The following ASAP2 variants were observed in gnomAD, a reference collection of about 807,000 sequenced individuals.
The protein encoded by ASAP2 is arf-GAP with SH3 domain, ANK repeat and PH domain-containing protein 2.
ASAP2 carries 45 observed loss-of-function variants against 131.4 expected under a neutral mutation model. That is an observed-to-expected ratio of 0.34 (90% CI 0.27 to 0.44). The LOEUF (loss-of-function observed/expected upper bound fraction) is 0.44, where lower values mean the gene tolerates loss of function less well. Among genes scored for constraint, ASAP2 ranks in the 20% least tolerant of loss-of-function variants. The probability of loss-of-function intolerance (pLI) is 1.00; values close to 1 mark genes in which losing one functional copy is unlikely to be tolerated. For synonymous variants in ASAP2, 510 were observed against 503.0 expected (o/e 1.01, Z -0.19); for missense variants, 1,011 against 1,297.0 (o/e 0.78, Z 3.39).
chr2:9,384,173 A>G (rs1222484531), intron 20 of ASAP2, among the ~76,000 whole-genome samples: 2 of 152,176 alleles, frequency 1.3e-5, no homozygotes, highest in Non-Finnish European at 2.9e-5. Context: ...AAAAAAATAA[A>G]TTAATTAAAA....
At chr2:9,242,558 G>T (rs140165937) in intron 1 of ASAP2, among the ~76,000 whole-genome samples, 3 of 152,154 alleles carry the variant, frequency 2.0e-5, no homozygotes, top group African/African-American at 7.2e-5. Context: ...TGTATTGGGC[G>T]GTGTGTGGGC....
intron 19 of ASAP2, among the ~76,000 whole-genome samples, chr2:9,380,477 C>T (rs186819301): frequency 6.6e-6 from 1 of 152,170 alleles, no homozygotes; most frequent in South Asian, 2.1e-4. Context: ...GGATTACAGG[C>T]GTGAGCCACT....
chr2:9,266,099 T>A (rs535098891), intron 1 of ASAP2, among the ~76,000 whole-genome samples: 57 of 152,218 alleles, frequency 3.7e-4, no homozygotes, highest in African/African-American at 1.2e-3. Flanking sequence ...AGCTTGTAAT[T>A]TTCTATTTCT....
intron 1 of ASAP2, among the ~76,000 whole-genome samples, chr2:9,253,715 GATT>G (rs1664890680): frequency 6.6e-6 from 1 of 152,108 alleles, no homozygotes; most frequent in Non-Finnish European, 1.5e-5. Flanking sequence ...GTGCCCTGGA[GATT>G]ACAATGTTAC....
At chr2:9,284,310 T>C (rs1667329427) in intron 2 of ASAP2, among the ~76,000 whole-genome samples, 1 of 152,232 alleles carries the variant, frequency 6.6e-6, no homozygotes, top group Admixed American at 6.5e-5. Context: ...GTACCTAACA[T>C]GCAGGCACTG....
chr2:9,327,752 C>T, intron 6 of ASAP2, 74 bp from the exon 7 acceptor site: 4 of 1,076,338 alleles, frequency 3.7e-6, no homozygotes, highest in Non-Finnish European at 2.7e-6. Flanking sequence ...AAGAAATCAT[C>T]TCAGTCCTCA....
At chr2:9,351,791 C>T (rs1353379396) in intron 12 of ASAP2, among the ~76,000 whole-genome samples, 1 of 152,204 alleles carries the variant, frequency 6.6e-6, no homozygotes, top group Non-Finnish European at 1.5e-5. Flanking sequence ...TATCACTCCA[C>T]CTCACCCACA....
chr2:9,344,703 CT>C (rs1315890415), intron 10 of ASAP2, 27 bp from the exon 11 acceptor site: 1 of 1,613,212 alleles, frequency 6.2e-7, no homozygotes, highest in African/African-American at 1.3e-5. Flanking sequence ...TGTCTAAACT[CT>C]TATTGTTTCT....
chr2:9,372,310 G>A (rs1376005154), intron 16 of ASAP2, among the ~76,000 whole-genome samples: 1 of 152,112 alleles, frequency 6.6e-6, no homozygotes, highest in African/African-American at 2.4e-5. Flanking sequence ...GAGGCCCTAA[G>A]AGGAGAACCT....
chr2:9,250,748 T>C (rs774418980), intron 1 of ASAP2, among the ~76,000 whole-genome samples: 1 of 152,174 alleles, frequency 6.6e-6, no homozygotes, highest in Non-Finnish European at 1.5e-5. Context: ...GCCCCTGAGA[T>C]GTTGCAGTCT....
At chr2:9,218,288 C>T (rs906088173) in intron 1 of ASAP2, among the ~76,000 whole-genome samples, 1 of 152,188 alleles carries the variant, frequency 6.6e-6, no homozygotes, top group African/African-American at 2.4e-5. Context: ...ATGTGATTGC[C>T]TGGAGGTCAT....
intron 3 of ASAP2, among the ~76,000 whole-genome samples, chr2:9,308,798 C>T (rs1046192721): frequency 6.6e-6 from 1 of 152,128 alleles, no homozygotes; most frequent in African/African-American, 2.4e-5. Context: ...GCCATACCTG[C>T]AAAATGGGGG....
In ASAP2 at chr2:9,334,792, G is replaced by A. The variant is rs757170913; in HGVS notation, c.741G>A (p.Thr247=). The stretch of plus-strand genomic sequence containing the variant: ...AAAGCCTCAAACCTTCCATTGAAAC[G>A]CTGTCTACGGATCTTCACACGGTGA... ...AVESLKPSIE[T]LSTDLHTIKQ... Residue 247 remains threonine (T), a synonymous_variant, in exon 8 of 28, where the codon ACG becomes ACA. Transcript: ENST00000281419. The A allele has an allele frequency of 5.6e-6, 9 of 1,613,866 alleles. No individual in the cohort carries two copies. Among genetic ancestry groups the A allele is most frequent in the African/African-American group, 2.7e-5 (2 of 74,896 alleles).
intron 1 of ASAP2, among the ~76,000 whole-genome samples, chr2:9,237,991 C>T (rs750216969): frequency 1.4e-5 from 2 of 140,866 alleles, no homozygotes; most frequent in African/African-American, 5.3e-5. Context: ...TGTGTGGATC[C>T]GTGGGCTGGC....
At chr2:9,223,756 C>T (rs1464677629) in intron 1 of ASAP2, among the ~76,000 whole-genome samples, 1 of 152,092 alleles carries the variant, frequency 6.6e-6, no homozygotes, top group Non-Finnish European at 1.5e-5. Flanking sequence ...ATAGGAACAA[C>T]AGAGACCCAG....
At chr2:9,372,824 G>A (rs552240454) in intron 16 of ASAP2, among the ~76,000 whole-genome samples, 2 of 152,204 alleles carry the variant, frequency 1.3e-5, no homozygotes, top group South Asian at 2.1e-4. Flanking sequence ...ACACTCAGTC[G>A]CAGTGGGGCC....
chr2:9,212,496 A>G (rs1349926623), intron 1 of ASAP2, among the ~76,000 whole-genome samples: 1 of 152,024 alleles, frequency 6.6e-6, no homozygotes, highest in Non-Finnish European at 1.5e-5. Context: ...GTAAATATTG[A>G]TCTACTCCTG....
intron 3 of ASAP2, among the ~76,000 whole-genome samples, chr2:9,309,198 G>T (rs984261592): frequency 2.6e-4 from 39 of 152,316 alleles, no homozygotes; most frequent in African/African-American, 9.1e-4. Context: ...GGTATCCGTA[G>T]TATCCCCCAA....
intron 1 of ASAP2, among the ~76,000 whole-genome samples, chr2:9,236,141 G>A (rs994683733): frequency 6.6e-6 from 1 of 152,058 alleles, no homozygotes; most frequent in African/African-American, 2.4e-5. Flanking sequence ...GCCGGTCAGG[G>A]AGGGACAAAG....
Sources: allele counts gnomAD v4.1 joint callset (sites outside exome capture counted in the v4.1 genomes callset), GRCh38; gene constraint gnomAD v4.1.1; transcripts MANE v1.5; gene names NCBI Gene and HGNC (gene_info 2026-07-23, HGNC 2026-07-21).